The following RAPGEF4 variants were observed in gnomAD, a reference collection of about 807,000 sequenced individuals.
RAPGEF4 encodes the protein RAP guanine-nucleotide-exchange factor (GEF) 4.
A neutral mutation model predicts 147.9 loss-of-function variants in RAPGEF4; 66 were observed. The ratio of observed to expected loss-of-function variants is 0.45; its 90% CI spans 0.37 to 0.55. The LOEUF (loss-of-function observed/expected upper bound fraction) is 0.55, where lower values mean the gene tolerates loss of function less well. RAPGEF4 is among the 20% of genes least tolerant of loss of function. RAPGEF4 has a pLI of 0.00. For missense variants in RAPGEF4, 1,071 were observed against 1,257.3 expected (o/e 0.85, Z 2.24); for synonymous variants, 419 against 442.7 (o/e 0.95, Z 0.67).
chr2:172,881,979 T>G (rs1019436386), intron 4 of RAPGEF4, among the ~76,000 whole-genome samples: 3 of 152,188 alleles, frequency 2.0e-5, no homozygotes, highest in African/African-American at 7.2e-5. Context: ...GGAAATCCCT[T>G]TTTCTAATAG....
At chr2:172,761,224 C>T (rs566039536) in intron 1 of RAPGEF4, among the ~76,000 whole-genome samples, 10 of 151,210 alleles carry the variant, frequency 6.6e-5, no homozygotes, top group African/African-American at 2.2e-4. Flanking sequence ...TCCCTGGGTT[C>T]AAGCGATTCT....
At chr2:172,841,550 A>T (rs1047711107) in intron 4 of RAPGEF4, among the ~76,000 whole-genome samples, 2 of 152,164 alleles carry the variant, frequency 1.3e-5, no homozygotes, top group African/African-American at 2.4e-5. Flanking sequence ...CATGAAGCTT[A>T]TCCAATGACA....
At chr2:172,987,806 T>C (rs1335470612) in intron 12 of RAPGEF4, among the ~76,000 whole-genome samples, 1 of 152,222 alleles carries the variant, frequency 6.6e-6, no homozygotes, top group Non-Finnish European at 1.5e-5. Flanking sequence ...TAGGTATGTA[T>C]CTGTAAACAA....
chr2:172,977,713 G>A (rs941071226), intron 10 of RAPGEF4, among the ~76,000 whole-genome samples: 2 of 152,164 alleles, frequency 1.3e-5, no homozygotes, highest in African/African-American at 4.8e-5. Flanking sequence ...ACATGTTGAG[G>A]CCCCTGAGGG....
intron 1 of RAPGEF4, among the ~76,000 whole-genome samples, chr2:172,769,025 C>T (rs556078321): frequency 5.8e-4 from 89 of 152,324 alleles, no homozygotes; most frequent in African/African-American, 2.0e-3. Context: ...CACCATTTCC[C>T]TTTCCTTATG....
rs1697048299 is a variant in RAPGEF4, at chr2:173,030,150, C to T, written c.2559-14C>T. Reference sequence around the variant, plus strand: ...AGTAACATTTTACTCAAACACGCATCTCCTGTGTTTCAGCTGTAAGGAGTA... The same window carrying T: ...AGTAACATTTTACTCAAACACGCATTTCCTGTGTTTCAGCTGTAAGGAGTA... On this transcript the variant is annotated splice_polypyrimidine_tract_variant and intron_variant, in intron 25 of 30. Coordinates refer to ENST00000397081, the MANE Select transcript of RAPGEF4 (RefSeq NM_007023.4). 7 of 1,565,174 alleles carry T rather than the reference C, an allele frequency of 4.5e-6. No homozygotes were observed. Among genetic ancestry groups the T allele is most frequent in the South Asian group, 1.1e-5 (1 of 89,906 alleles).
intron 4 of RAPGEF4, among the ~76,000 whole-genome samples, chr2:172,859,813 A>G (rs185008636): frequency 6.8e-4 from 104 of 152,296 alleles, no homozygotes; most frequent in Non-Finnish European, 1.2e-3. Flanking sequence ...TCCTGAGGCC[A>G]TCTACTGTTT....
chr2:173,045,194 G>A (rs1685304275), intron 29 of RAPGEF4, among the ~76,000 whole-genome samples: 1 of 152,168 alleles, frequency 6.6e-6, no homozygotes, highest in Admixed American at 6.5e-5. Flanking sequence ...CTCCACTCTG[G>A]TCCAAGAAAT....
chr2:173,031,103 A>C (rs137945767), intron 26 of RAPGEF4, among the ~76,000 whole-genome samples: 2 of 152,328 alleles, frequency 1.3e-5, no homozygotes, highest in African/African-American at 4.8e-5. Flanking sequence ...AGCTGTTTGC[A>C]TCTCTAAATG....
chr2:172,901,620 C>T (rs1308506023), intron 4 of RAPGEF4, among the ~76,000 whole-genome samples: 1 of 152,178 alleles, frequency 6.6e-6, no homozygotes. Flanking sequence ...TTATTGTGTG[C>T]CTGTGTTGTG....
intron 29 of RAPGEF4, 30 bp from the exon 30 acceptor site, chr2:173,048,570 C>A: frequency 1.2e-6 from 2 of 1,613,750 alleles, no homozygotes; most frequent in Non-Finnish European, 1.7e-6. Context: ...ACTTGAATTT[C>A]TATCTTTCTT....
intron 4 of RAPGEF4, among the ~76,000 whole-genome samples, chr2:172,893,254 G>C (rs1314552613): frequency 1.3e-5 from 2 of 152,200 alleles, no homozygotes; most frequent in African/African-American, 2.4e-5. Flanking sequence ...AAACACATTA[G>C]ATGAGAGGAT....
At chr2:173,048,768 C>T (rs1458313572) in intron 30 of RAPGEF4, 114 bp downstream of exon 30, 10 of 1,517,112 alleles carry the variant, frequency 6.6e-6, no homozygotes, top group African/African-American at 2.8e-5. Context: ...GTCAGAGACA[C>T]TTTGGACCAT....
intron 3 of RAPGEF4, among the ~76,000 whole-genome samples, chr2:172,812,881 G>T (rs1444765785): frequency 1.3e-5 from 2 of 152,278 alleles, no homozygotes; most frequent in South Asian, 2.1e-4. Context: ...TCTATCTTGT[G>T]TTTTTACTAG....
intron 4 of RAPGEF4, among the ~76,000 whole-genome samples, chr2:172,885,155 G>GCTGAATGC (rs1395378926): frequency 5.3e-5 from 8 of 152,360 alleles, no homozygotes; most frequent in African/African-American, 1.9e-4. Flanking sequence ...GACCATGAGG[G>GCTGAATGC]CTGAATGCCC....
Position 172,946,559 on chromosome 2 carries a change from G to A in RAPGEF4, c.538-14201G>A, listed in dbSNP as rs115201203. On this transcript the variant is annotated intron_variant, in intron 6 of 30. Coordinates refer to ENST00000397081, the MANE Select transcript of RAPGEF4 (RefSeq NM_007023.4). ...ACAGCCAGACTAGGGGACTCACAATGCCTTAAACTCCCGTCTGTGTGACTT... is the reference window on the plus strand; with the variant it reads ...ACAGCCAGACTAGGGGACTCACAATACCTTAAACTCCCGTCTGTGTGACTT... Among the ~76,000 whole-genome samples, 508 of 152,184 alleles carry A rather than the reference G, an allele frequency of 3.3e-3. 1 individual carries two copies. The highest frequency in any genetic ancestry group is 0.011 in the African/African-American group (476 of 41,508).
At chr2:172,853,405 A>G (rs941098596) in intron 4 of RAPGEF4, among the ~76,000 whole-genome samples, 1 of 152,052 alleles carries the variant, frequency 6.6e-6, no homozygotes, top group Non-Finnish European at 1.5e-5. Flanking sequence ...CTAAGCATTC[A>G]AATGTATTGA....
chr2:172,834,915 C>T (rs1391973267), intron 4 of RAPGEF4, among the ~76,000 whole-genome samples: 1 of 152,142 alleles, frequency 6.6e-6, no homozygotes, highest in African/African-American at 2.4e-5. Flanking sequence ...TTTCCTGTGG[C>T]ATAATGGCAA....
chr2:173,036,776 A>G, intron 29 of RAPGEF4, 84 bp downstream of exon 29: 1 of 965,052 alleles, frequency 1.0e-6, no homozygotes. Flanking sequence ...TAATTTCCAT[A>G]TATGCTGCCC....
Sources: gnomAD v4.1 joint callset for allele counts (sites outside exome capture counted in the v4.1 genomes callset) on GRCh38, gnomAD v4.1.1 for gene constraint, MANE v1.5 for transcripts, NCBI Gene and HGNC (gene_info 2026-07-23, HGNC 2026-07-21) for gene names.